Variants in NTRK3 observed in about 807,000 individuals in gnomAD.
NTRK3 encodes NT-3 growth factor receptor.
A neutral mutation model predicts 91.7 loss-of-function variants in NTRK3; 24 were observed. That is an observed-to-expected ratio of 0.26 (90% CI 0.19 to 0.37). The LOEUF (loss-of-function observed/expected upper bound fraction) is 0.37, where lower values mean the gene tolerates loss of function less well. Ranked by LOEUF, NTRK3 falls within the 10% of genes least tolerant of loss-of-function variation. NTRK3 has a pLI of 1.00. For synonymous variants in NTRK3, 483 were observed against 404.0 expected (o/e 1.20, Z -2.34); for missense variants, 880 against 1,068.9 (o/e 0.82, Z 2.46).
At position 88,241,731 on chromosome 15, in the gene NTRK3, G is replaced by C. The variant is rs924776693; in HGVS notation, c.248+14175C>G. 6.6e-6 allele frequency among the ~76,000 whole-genome samples: 1 copy of C among 152,170 alleles called. No homozygotes were observed. The highest frequency in any genetic ancestry group is 2.4e-5 in the African/African-American group (1 of 41,430). On this transcript the variant is annotated intron_variant, in intron 3 of 18. Coordinates refer to ENST00000394480, the Ensembl canonical transcript of NTRK3. This position sits in a 1 kb window ranked among gnomAD's most constrained non-coding sequence, Gnocchi z 4.3. ...CCTCACCCAGGCTCACCTCCACCCAGCGCACTGGGGAGAAGGGCTGCCCTA... is the reference window on the plus strand; with the variant it reads ...CCTCACCCAGGCTCACCTCCACCCACCGCACTGGGGAGAAGGGCTGCCCTA...
At chr15:88,187,654 T>C (rs1031821792) in intron 3 of NTRK3, among the ~76,000 whole-genome samples, 20 of 152,284 alleles carry the variant, frequency 1.3e-4, no homozygotes, top group Non-Finnish European at 2.4e-4. Flanking sequence ...TGTTTTGTCA[T>C]TTGAAAATCA....
chr15:88,009,394 T>G (rs1165650126), intron 14 of NTRK3, among the ~76,000 whole-genome samples: 1 of 152,126 alleles, frequency 6.6e-6, no homozygotes, highest in Non-Finnish European at 1.5e-5. Flanking sequence ...AAAAGGAGAC[T>G]CTGGCAAAAA....
intron 5 of NTRK3, among the ~76,000 whole-genome samples, chr15:88,179,127 G>A (rs2046248495): frequency 6.6e-6 from 1 of 152,200 alleles, no homozygotes; most frequent in South Asian, 2.1e-4. Context: ...GAGTAAGTGA[G>A]TTCATATTTG....
chr15:88,166,796 C>T (rs769607758), intron 5 of NTRK3, among the ~76,000 whole-genome samples: 3 of 152,114 alleles, frequency 2.0e-5, no homozygotes, highest in Non-Finnish European at 4.4e-5. Flanking sequence ...ACCTTGAGCA[C>T]GTTACATAAC....
intron 14 of NTRK3, among the ~76,000 whole-genome samples, chr15:87,966,074 T>TCAAAAAAACAAA (rs1555450573): frequency 5.4e-5 from 8 of 148,456 alleles, no homozygotes; most frequent in African/African-American, 2.1e-4. Context: ...CAAAACTGTC[T>TCAAAAAAACAAA]CAAACAAACA....
At chr15:88,136,378 T>C (rs564688798) in intron 8 of NTRK3, 89 bp downstream of exon 8, 33 of 1,561,174 alleles carry the variant, frequency 2.1e-5, no homozygotes, top group African/African-American at 1.4e-4. Context: ...TTTCCTATAG[T>C]AACAAGACCG....
intron 3 of NTRK3, among the ~76,000 whole-genome samples, chr15:88,220,638 CT>C (rs2050160149): frequency 6.6e-6 from 1 of 152,194 alleles, no homozygotes; most frequent in Admixed American, 6.5e-5. Context: ...AGGAAGGCCC[CT>C]TTCCAGGCAG....
chr15:88,171,542 T>C (rs1201277067), intron 5 of NTRK3, among the ~76,000 whole-genome samples: 2 of 152,180 alleles, frequency 1.3e-5, no homozygotes, highest in Admixed American at 6.5e-5. Context: ...GGATCAAGGT[T>C]CTAAAATAGC....
intron 13 of NTRK3, among the ~76,000 whole-genome samples, chr15:88,107,934 G>T (rs563661292): frequency 4.6e-4 from 70 of 152,150 alleles, no homozygotes; most frequent in African/African-American, 1.2e-3. Flanking sequence ...CAGGCAAGTA[G>T]AGGACCCCAA....
chr15:88,030,683 G>A (rs1215209013), intron 14 of NTRK3, among the ~76,000 whole-genome samples: 8 of 151,960 alleles, frequency 5.3e-5, no homozygotes, highest in African/African-American at 1.7e-4. Context: ...GGTCATTTAG[G>A]GCCATGTGTA....
intron 13 of NTRK3, among the ~76,000 whole-genome samples, chr15:88,033,413 C>T (rs570758663): frequency 3.3e-5 from 5 of 151,306 alleles, no homozygotes; most frequent in Admixed American, 1.3e-4. Flanking sequence ...TGGACTCAAG[C>T]GATTCTCATG....
At chr15:88,164,243 C>A (rs939685276) in intron 5 of NTRK3, among the ~76,000 whole-genome samples, 2 of 152,236 alleles carry the variant, frequency 1.3e-5, no homozygotes, top group African/African-American at 2.4e-5. Context: ...TGCAGCCGGG[C>A]TGGCCACAGC....
rs140416111 is a variant in NTRK3, at chr15:88,027,186, CTT to C, written c.1585+5669_1585+5670del. 2.4e-3 allele frequency among the ~76,000 whole-genome samples: 370 copies of C among 152,108 alleles called. 3 individuals are homozygous for C. Among genetic ancestry groups the C allele is most frequent in the African/African-American group, 8.4e-3 (349 of 41,474 alleles). ...TCTGAGTTTAAATCTCAGGCTCTCT[CTT>C]GTATGATCTGGAACAAGTAGCTTAA... On this transcript the variant is annotated intron_variant, in intron 14 of 18. Transcript: ENST00000394480.
At chr15:88,028,013 C>T (rs2078187703) in intron 14 of NTRK3, among the ~76,000 whole-genome samples, 1 of 151,866 alleles carries the variant, frequency 6.6e-6, no homozygotes, top group East Asian at 1.9e-4. Flanking sequence ...AAAAGACGAA[C>T]AGGGTGTGGA....
At chr15:87,932,191 G>A (rs939126634) in intron 16 of NTRK3, among the ~76,000 whole-genome samples, 5 of 152,342 alleles carry the variant, frequency 3.3e-5, no homozygotes, top group Admixed American at 2.6e-4. Context: ...GTTACATTAA[G>A]AGCCCTCGAA....
At chr15:88,096,212 C>A (rs908884624) in intron 13 of NTRK3, among the ~76,000 whole-genome samples, 5 of 152,118 alleles carry the variant, frequency 3.3e-5, no homozygotes, top group Admixed American at 1.3e-4. Flanking sequence ...GGGACAAAAT[C>A]TTATTCTCTC....
rs566596858 is a variant in NTRK3, at chr15:88,089,266, C to A, written c.1396+37005G>T. 5.3e-5 allele frequency among the ~76,000 whole-genome samples: 8 copies of A among 152,308 alleles called. No homozygotes were observed. In the East Asian group the frequency reaches 1.5e-3, roughly 29 times the overall value. On this transcript the variant is annotated intron_variant, in intron 13 of 18. Transcript: ENST00000394480. ...GTTACTCACCCTTCTTAAGCCTCGG[C>A]TCAGTTATCTGCAAAGTAATTTAAT...
intron 3 of NTRK3, among the ~76,000 whole-genome samples, chr15:88,226,848 C>A (rs779208690): frequency 2.8e-4 from 43 of 152,222 alleles, no homozygotes; most frequent in Non-Finnish European, 4.3e-4. Flanking sequence ...CTCAGTCACC[C>A]AGTGAAGGAG....
At chr15:88,138,209 C>T (rs920308407) in intron 6 of NTRK3, among the ~76,000 whole-genome samples, 13 of 151,446 alleles carry the variant, frequency 8.6e-5, no homozygotes, top group Non-Finnish European at 1.3e-4. Context: ...CGAGACCATC[C>T]GGATTAACAC....
Sources: allele counts gnomAD v4.1 joint callset (sites outside exome capture counted in the v4.1 genomes callset), GRCh38; gene constraint gnomAD v4.1.1; non-coding constraint Gnocchi (gnomAD v3.1); transcripts MANE v1.5; gene names NCBI Gene and HGNC (gene_info 2026-07-23, HGNC 2026-07-21).